ZNF365: variants seen among roughly 807,000 people sequenced by gnomAD.
ZNF365 encodes zinc finger protein 365.
ZNF365 carries 22 observed loss-of-function variants against 35.0 expected under a neutral mutation model. The ratio of observed to expected loss-of-function variants is 0.63; its 90% CI spans 0.45 to 0.90. The LOEUF is 0.90. Ranked by LOEUF, ZNF365 falls within the 40% of genes least tolerant of loss-of-function variation. The pLI, the probability that ZNF365 is intolerant of heterozygous loss-of-function variation, is 0.00. For synonymous variants in ZNF365, 188 were observed against 196.2 expected, an observed-to-expected ratio of 0.96 and a Z score of 0.35; for missense variants, 448 against 500.3, an observed-to-expected ratio of 0.90 and a Z score of 1.00.
At chr10:62,406,623 G>C (rs1839909221), downstream of ZNF365, among the ~76,000 whole-genome samples, 1 of 152,180 alleles carries the variant, frequency 6.6e-6, no homozygotes. Flanking sequence ...CTTTCTTCCA[G>C]CTGGGGAGGA....
intron 3 of ZNF365, among the ~76,000 whole-genome samples, chr10:62,447,471 C>T (rs1318932831): frequency 6.6e-6 from 1 of 152,144 alleles, no homozygotes; most frequent in Non-Finnish European, 1.5e-5. Context: ...CACACTCTGG[C>T]ATATTCTGTT....
rs1318352846 is a variant in ZNF365 at position 62,399,856 on chromosome 10, A to C, written c.*67A>C. 1 of 1,514,584 alleles carries C rather than the reference A, an allele frequency of 6.6e-7. No homozygotes were observed. Among genetic ancestry groups the C allele is most frequent in the East Asian group, 2.3e-5 (1 of 42,600 alleles). 93.8% of individuals were successfully genotyped at this position (1,514,584 alleles called of 1,614,324 possible). A position where few individuals can be genotyped will look rare whatever the true frequency, so the allele number is the denominator to read the frequency against. On this transcript the variant is annotated 3_prime_UTR_variant, in exon 5 of 5. Transcript: ENST00000395254. ...GAACGTTGTTCCAGGAGCCAACAGT[A>C]ATGTCTTTCTGGAAACATTCCATAG...
chr10:62,407,084 G>A (rs1279525939), downstream of ZNF365, among the ~76,000 whole-genome samples: 4 of 152,236 alleles, frequency 2.6e-5, no homozygotes, highest in Non-Finnish European at 5.9e-5. Context: ...GGTCCTTCCA[G>A]CAAGGGCTGG....
At chr10:62,396,668 A>G (rs1839732940) in intron 3 of ZNF365, among the ~76,000 whole-genome samples, 1 of 152,244 alleles carries the variant, frequency 6.6e-6, no homozygotes, top group Non-Finnish European at 1.5e-5. Context: ...TTCTAAAAAC[A>G]TTTTTGAAAT....
At chr10:62,388,679 A>G (rs2132418242) in intron 3 of ZNF365, 103 bp downstream of exon 3, 2 of 1,371,014 alleles carry the variant, frequency 1.5e-6, no homozygotes, top group East Asian at 4.9e-5. Context: ...GGGACTCTCT[A>G]GACATCATTT....
chr10:62,407,375 T>G (rs1289521241), downstream of ZNF365, among the ~76,000 whole-genome samples: 1 of 152,206 alleles, frequency 6.6e-6, no homozygotes, highest in African/African-American at 2.4e-5. Flanking sequence ...TCCTTTGAGA[T>G]ATTCCTTCAG....
chr10:62,471,465 C>A (rs906959036), intron 4 of ZNF365, among the ~76,000 whole-genome samples: 11 of 151,314 alleles, frequency 7.3e-5, no homozygotes, highest in Non-Finnish European at 1.6e-4. Flanking sequence ...CTATTGAAAA[C>A]AAAAACTGAG....
chr10:62,400,475 T>G lies in ZNF365; in HGVS notation c.*686T>G. 1.0e-6 allele frequency: 1 copy of G among 986,016 alleles called. No individual in the cohort carries two copies. Among genetic ancestry groups the G allele is most frequent in the Non-Finnish European group, 1.2e-6 (1 of 829,956 alleles). 61.1% of individuals were successfully genotyped at this position (986,016 alleles called of 1,614,324 possible). A position where few individuals can be genotyped will look rare whatever the true frequency, so the allele number is the denominator to read the frequency against. ...CAGATTTTGGTACACCTCTGCCGTC[T>G]TCTTTGGCTGAGTATTCTGCACCCA... is the stretch of plus-strand genomic sequence containing the variant. On this transcript the variant is annotated 3_prime_UTR_variant, in exon 5 of 5. Coordinates refer to ENST00000395254, the MANE Select transcript of ZNF365 (RefSeq NM_014951.3).
At chr10:62,478,305 T>C (rs557133523) in intron 4 of ZNF365, among the ~76,000 whole-genome samples, 30 of 152,298 alleles carry the variant, frequency 2.0e-4, no homozygotes, top group Non-Finnish European at 3.2e-4. Flanking sequence ...TCTCTGTTGA[T>C]TCTGAAATCC....
chr10:62,437,371 T>C (rs1486900099), intron 3 of ZNF365, among the ~76,000 whole-genome samples: 1 of 152,238 alleles, frequency 6.6e-6, no homozygotes, highest in African/African-American at 2.4e-5. Context: ...AACTTCGTCA[T>C]GGTTTCCTTG....
At chr10:62,464,606 A>C (rs1351679804) in intron 4 of ZNF365, among the ~76,000 whole-genome samples, 3 of 152,342 alleles carry the variant, frequency 2.0e-5, no homozygotes, top group East Asian at 1.9e-4. Context: ...CAGTCACATC[A>C]ATCCATTTTA....
At chr10:62,398,625 C>A in intron 3 of ZNF365, 115 bp from the exon 4 acceptor site, 2 of 849,584 alleles carry the variant, frequency 2.4e-6, no homozygotes, top group Non-Finnish European at 3.8e-6. Context: ...CTACCAGTAG[C>A]AGTCACTGAC....
chr10:62,423,504 T>G (rs541671639), intron 3 of ZNF365, among the ~76,000 whole-genome samples: 1 of 152,314 alleles, frequency 6.6e-6, no homozygotes, highest in East Asian at 1.9e-4. Flanking sequence ...TCCAGTTTTT[T>G]CAGAATATTA....
intron 4 of ZNF365, among the ~76,000 whole-genome samples, chr10:62,472,286 T>C (rs1205798368): frequency 1.3e-5 from 2 of 152,216 alleles, no homozygotes; most frequent in Admixed American, 6.5e-5. Flanking sequence ...ACTGTGTTGA[T>C]GGAATAAATC....
intron 3 of ZNF365, among the ~76,000 whole-genome samples, chr10:62,445,518 C>T (rs895445806): frequency 1.3e-5 from 2 of 152,172 alleles, no homozygotes; most frequent in East Asian, 1.9e-4. Flanking sequence ...CCAACCAGGT[C>T]GCTCATCAGA....
intron 3 of ZNF365, among the ~76,000 whole-genome samples, chr10:62,440,502 C>T (rs749107696): frequency 6.6e-6 from 1 of 151,998 alleles, no homozygotes; most frequent in African/African-American, 2.4e-5. Flanking sequence ...TTATGTCTAC[C>T]AGCACTGTGC....
intron 3 of ZNF365, among the ~76,000 whole-genome samples, chr10:62,424,167 C>G (rs117208019): frequency 0.02 from 3,058 of 152,198 alleles, 43 homozygotes; most frequent in Non-Finnish European, 0.031. Context: ...ATTTGAGAAG[C>G]CTGTGAGTGA....
At chr10:62,398,602 G>C in intron 3 of ZNF365, 138 bp from the exon 4 acceptor site, 1 of 714,442 alleles carries the variant, frequency 1.4e-6, no homozygotes, top group Non-Finnish European at 2.4e-6. Flanking sequence ...AATGGATGGT[G>C]CTGCAGGTCG....
rs764768576 is a variant in ZNF365, at chr10:62,376,515, C to T, written c.322C>T (p.His108Tyr). 11 of 1,614,020 alleles carry T rather than the reference C, an allele frequency of 6.8e-6. No homozygotes were observed. Among genetic ancestry groups the T allele is most frequent in the Admixed American group, 1.7e-5 (1 of 59,998 alleles). The change falls in exon 2 of 5, where the codon CAT becomes TAT. Residue 108 changes from histidine to tyrosine, a missense_variant. His to Tyr is a moderately conservative substitution (Grantham distance 83, BLOSUM62 2). Around this residue, in one of 3 missense-constraint regions of ZNF365, gnomAD observed 362 missense variants for 375.7 expected, o/e 0.96. Transcript: ENST00000395254. Reference protein sequence around the residue: ...YVNLYSISHEHSKDRKPFEVV... With the variant: ...YVNLYSISHEYSKDRKPFEVV... ...TAACTTGTACAGCATTTCACATGAA[C>T]ATTCCAAGGACAGGAAGCCATTTGA... is the stretch of plus-strand genomic sequence containing the variant.
Sources: allele counts gnomAD v4.1 joint callset (sites outside exome capture counted in the v4.1 genomes callset), GRCh38; gene constraint gnomAD v4.1.1; regional missense constraint gnomAD v4.1.1; transcripts MANE v1.5; gene names NCBI Gene and HGNC (gene_info 2026-07-23, HGNC 2026-07-21).